The following FSTL5 variants were observed in gnomAD, a reference collection of about 807,000 sequenced individuals.
The protein encoded by FSTL5 is follistatin-related protein 5.
In FSTL5, 62 loss-of-function variants were observed where a neutral mutation model predicts 89.1. The observed-to-expected ratio is 0.70, with a 90% CI of 0.57 to 0.86. The LOEUF (loss-of-function observed/expected upper bound fraction) is 0.86, where lower values mean the gene tolerates loss of function less well. Ranked by LOEUF, FSTL5 falls within the 40% of genes least tolerant of loss-of-function variation. The pLI is 0.00. For synonymous variants in FSTL5, 383 were observed against 346.2 expected, an observed-to-expected ratio of 1.11 and a Z score of -1.18; for missense variants, 1,057 against 1,001.6, an observed-to-expected ratio of 1.06 and a Z score of -0.75.
intron 6 of FSTL5, among the ~76,000 whole-genome samples, chr4:161,749,157 A>G (rs941511954): frequency 6.6e-6 from 1 of 152,160 alleles, no homozygotes; most frequent in African/African-American, 2.4e-5. Flanking sequence ...CATTTGACCC[A>G]TCAACCCCAC....
intron 6 of FSTL5, among the ~76,000 whole-genome samples, chr4:161,747,314 G>A (rs1475622333): frequency 1.3e-5 from 2 of 151,986 alleles, no homozygotes; most frequent in Non-Finnish European, 2.9e-5. Flanking sequence ...TCTTTGCCTG[G>A]CTTTCTTCTC....
rs1204233993 is a variant in FSTL5 at position 161,528,150 on chromosome 4, TG to T, written c.1312+10015del. Among the ~76,000 whole-genome samples, 12 of 62,078 alleles carry T rather than the reference TG, an allele frequency of 1.9e-4. No homozygotes were observed. The Admixed American group carries it at 3.1e-3, about 16-fold the overall frequency. 40.7% of individuals were successfully genotyped at this position (62,078 alleles called of 152,430 possible). A position where few individuals can be genotyped will look rare whatever the true frequency, so the allele number is the denominator to read the frequency against. The stretch of plus-strand genomic sequence containing the variant: ...TCATACTCTGGGGACTGTTGTGGGG[TG>T]GGGGGAGGGGGGAGGGATAACTTTA... On this transcript the variant is annotated intron_variant, in intron 10 of 15. Coordinates refer to ENST00000306100, the MANE Select transcript of FSTL5 (RefSeq NM_020116.5).
intron 8 of FSTL5, among the ~76,000 whole-genome samples, chr4:161,576,708 C>T (rs1733221076): frequency 6.6e-6 from 1 of 152,196 alleles, no homozygotes; most frequent in Non-Finnish European, 1.5e-5. Context: ...CATCATCACA[C>T]TCATTTTTCA....
chr4:161,393,973 G>C (rs1730913698), intron 15 of FSTL5, among the ~76,000 whole-genome samples: 1 of 152,136 alleles, frequency 6.6e-6, no homozygotes, highest in African/African-American at 2.4e-5. Flanking sequence ...AGTGGCAAGT[G>C]TATCTGGGGA....
intron 1 of FSTL5, among the ~76,000 whole-genome samples, chr4:162,138,156 T>A (rs1466814823): frequency 1.3e-5 from 2 of 152,186 alleles, no homozygotes; most frequent in African/African-American, 2.4e-5. Context: ...TACTTATATT[T>A]ATATCTACAG....
intron 1 of FSTL5, among the ~76,000 whole-genome samples, chr4:162,154,242 C>T (rs1190553834): frequency 6.6e-6 from 1 of 152,054 alleles, no homozygotes. Context: ...ATAAAAGATG[C>T]AAGTGCAATG....
chr4:162,144,066 C>T (rs1732874301), intron 1 of FSTL5, among the ~76,000 whole-genome samples: 1 of 152,104 alleles, frequency 6.6e-6, no homozygotes, highest in South Asian at 2.1e-4. Flanking sequence ...GCTGGCAGAG[C>T]TTAAAGCTTT....
intron 8 of FSTL5, among the ~76,000 whole-genome samples, chr4:161,584,625 A>AT (rs1275125430): frequency 1.3e-5 from 2 of 152,106 alleles, no homozygotes; most frequent in African/African-American, 4.8e-5. Flanking sequence ...AGTGTTCTTG[A>AT]TTTTTTCACT....
chr4:161,643,727 T>C (rs1464413007), intron 7 of FSTL5, among the ~76,000 whole-genome samples: 1 of 152,176 alleles, frequency 6.6e-6, no homozygotes, highest in Non-Finnish European at 1.5e-5. Context: ...AAACTGTTAT[T>C]AAAGAAATTG....
chr4:161,576,818 G>A (rs1733224865), intron 8 of FSTL5, among the ~76,000 whole-genome samples: 1 of 152,150 alleles, frequency 6.6e-6, no homozygotes, highest in Admixed American at 6.6e-5. Flanking sequence ...CCAAAAATTT[G>A]TCATAGAAAA....
At chr4:161,814,852 C>T (rs1229947243) in intron 4 of FSTL5, among the ~76,000 whole-genome samples, 3 of 152,046 alleles carry the variant, frequency 2.0e-5, no homozygotes. Context: ...ATGTTCCTAA[C>T]ACTGTAGAAT....
At chr4:161,474,517 T>G (rs1734054668) in intron 13 of FSTL5, among the ~76,000 whole-genome samples, 1 of 151,090 alleles carries the variant, frequency 6.6e-6, no homozygotes, top group Non-Finnish European at 1.5e-5. Flanking sequence ...CTGTATTTCT[T>G]CACATGACTT....
At chr4:161,685,315 T>C (rs1405475237) in intron 6 of FSTL5, among the ~76,000 whole-genome samples, 1 of 152,176 alleles carries the variant, frequency 6.6e-6, no homozygotes, top group Non-Finnish European at 1.5e-5. Flanking sequence ...TGAATTGCAT[T>C]GAATTTGTAG....
At chr4:162,044,421 G>A (rs1053660431) in intron 2 of FSTL5, among the ~76,000 whole-genome samples, 11 of 152,244 alleles carry the variant, frequency 7.2e-5, no homozygotes, top group Admixed American at 7.2e-4. Context: ...AAACAGGTGT[G>A]CTATCATACA....
chr4:161,496,955 G>T (rs1477947823), intron 12 of FSTL5, among the ~76,000 whole-genome samples: 1 of 152,048 alleles, frequency 6.6e-6, no homozygotes, highest in East Asian at 1.9e-4. Flanking sequence ...AATATTTTCT[G>T]ATTGCATAAT....
In FSTL5 at chr4:161,450,687, C is replaced by A. The variant is rs575009090; in HGVS notation, c.1841+4317G>T. On this transcript the variant is annotated intron_variant, in intron 15 of 15. Transcript: ENST00000306100. Reference sequence around the variant, plus strand: ...TTGATTTTAGAAGGTAATGTATTATCATTTCAAATTTTATTAGACATAATT... The same window carrying A: ...TTGATTTTAGAAGGTAATGTATTATAATTTCAAATTTTATTAGACATAATT... Among the ~76,000 whole-genome samples, 101 of 150,648 alleles carry A rather than the reference C, an allele frequency of 6.7e-4. 1 individual carries two copies. Among genetic ancestry groups the A allele is most frequent in the African/African-American group, 2.4e-3 (98 of 41,110 alleles).
chr4:161,873,553 C>T (rs1396121415), intron 4 of FSTL5, among the ~76,000 whole-genome samples: 2 of 144,938 alleles, frequency 1.4e-5, no homozygotes, highest in Admixed American at 7.3e-5. Flanking sequence ...CCTTCCTTCC[C>T]TTCCTCTCTT....
intron 15 of FSTL5, among the ~76,000 whole-genome samples, chr4:161,408,835 C>G (rs926904972): frequency 6.6e-6 from 1 of 152,048 alleles, no homozygotes. Context: ...GCGTGAAGAC[C>G]AGTTTGTCAA....
intron 4 of FSTL5, among the ~76,000 whole-genome samples, chr4:161,854,311 C>T (rs1731652600): frequency 6.6e-6 from 1 of 152,158 alleles, no homozygotes; most frequent in Non-Finnish European, 1.5e-5. Context: ...TTCTGCCATG[C>T]AATGAGTCCT....
Sources: gnomAD v4.1 joint callset for allele counts (sites outside exome capture counted in the v4.1 genomes callset) on GRCh38, gnomAD v4.1.1 for gene constraint, MANE v1.5 for transcripts, NCBI Gene and HGNC (gene_info 2026-07-23, HGNC 2026-07-21) for gene names.